The following PDK3 variants were observed in gnomAD, a reference collection of about 807,000 sequenced individuals.
PDK3 encodes the protein pyruvate dehydrogenase kinase 3.
PDK3 carries 12 observed loss-of-function variants against 32.0 expected under a neutral mutation model. The observed-to-expected ratio is 0.37, with a 90% confidence interval of 0.24 to 0.61. The LOEUF (loss-of-function observed/expected upper bound fraction) is 0.61. Among genes scored for constraint, PDK3 ranks in the 20% least tolerant of loss-of-function variants. The probability of loss-of-function intolerance (pLI) is 0.65; values close to 1 mark genes in which losing one functional copy is unlikely to be tolerated. For synonymous variants in PDK3, 122 were observed against 116.3 expected, an observed-to-expected ratio of 1.05 and a Z score of -0.31; for missense variants, 188 against 316.9, an observed-to-expected ratio of 0.59 and a Z score of 3.09.
intron 5 of PDK3, among the ~76,000 whole-genome samples, chrX:24,508,255 G>T (rs190115712): frequency 3.6e-5 from 4 of 110,547 alleles, no homozygotes; most frequent in Non-Finnish European, 1.9e-5. Context: ...ACCAGATCTC[G>T]TGGGAACTCA....
chrX:24,507,953 G>A (rs1922023706), intron 5 of PDK3, among the ~76,000 whole-genome samples: 2 of 111,472 alleles, frequency 1.8e-5, no homozygotes, highest in Non-Finnish European at 3.8e-5. Flanking sequence ...GCTGTTGATG[G>A]GCACATGGGC....
chrX:24,483,925 G>T (rs964507884), intron 1 of PDK3, among the ~76,000 whole-genome samples: 3 of 111,488 alleles, frequency 2.7e-5, no homozygotes, highest in Non-Finnish European at 5.6e-5. Context: ...TATGGCCCAG[G>T]CTGGTCTCGA....
At chrX:24,545,386 C>T (rs1264262985) in exon 12 of PDK3, 1 of 112,200 alleles carries the variant, frequency 8.9e-6, no homozygotes, top group Non-Finnish European at 1.9e-5. Context: ...GAGCCCACCA[C>T]CAAAGCACAC....
chrX:24,488,835 C>T (rs1051146459), intron 1 of PDK3, among the ~76,000 whole-genome samples: 1 of 112,346 alleles, frequency 8.9e-6, no homozygotes, highest in Non-Finnish European at 1.9e-5. Context: ...TCCAAGCCCC[C>T]TCACCTGCTC....
At chrX:24,504,557 C>T (rs1336808204) in intron 4 of PDK3, among the ~76,000 whole-genome samples, 2 of 111,827 alleles carry the variant, frequency 1.8e-5, no homozygotes, top group African/African-American at 6.5e-5. Context: ...TTTTGTTAGT[C>T]GCAATTTTTG....
chrX:24,549,107 T>G (rs1199370796), exon 12 of PDK3: 2 of 111,737 alleles, frequency 1.8e-5, no homozygotes, highest in Admixed American at 1.9e-4. Flanking sequence ...TTTAGAATAT[T>G]TACAGCTAAA....
exon 12 of PDK3, chrX:24,548,365 C>CT (rs1410142942): frequency 8.9e-6 from 1 of 112,421 alleles, no homozygotes; most frequent in Admixed American, 9.4e-5. Flanking sequence ...AGTGAGGACT[C>CT]TATTTTCCAT....
exon 12 of PDK3, chrX:24,550,159 C>T (rs2148209654): frequency 8.9e-6 from 1 of 112,226 alleles, no homozygotes; most frequent in South Asian, 3.7e-4. Flanking sequence ...CCAGTGTTGC[C>T]AAGGAGCTTT....
At position 24,534,156 on chromosome X, in the gene PDK3, G is replaced by A; in HGVS notation, c.*84G>A. 2.9e-6 allele frequency: 3 copies of A among 1,025,551 alleles called. No homozygotes were observed. The highest frequency in any genetic ancestry group is 1.3e-6 in the Non-Finnish European group (1 of 796,195). The allele number at this position is 1,025,551 out of a possible 1,213,427, so 84.5% of individuals were successfully genotyped here. A position where few individuals can be genotyped will look rare whatever the true frequency, so the allele number is the denominator to read the frequency against. ...TCACTGTTCCAGGAATTCTTGCAGTGTAGAGGTATTCACAACAGCAAGCAG... is the reference window on the plus strand; with the variant it reads ...TCACTGTTCCAGGAATTCTTGCAGTATAGAGGTATTCACAACAGCAAGCAG... On this transcript the variant is annotated 3_prime_UTR_variant, in exon 11 of 11. Transcript: ENST00000379162.
In PDK3 at chrX:24,529,616, G is replaced by A. The variant is rs1463307435; in HGVS notation, c.963+1430G>A. Among the ~76,000 whole-genome samples, 12 of 110,653 alleles carry A rather than the reference G, an allele frequency of 1.1e-4. No homozygotes were observed. In the South Asian group the frequency reaches 2.3e-3, roughly 21 times the overall value. On this transcript the variant is annotated intron_variant, in intron 9 of 10. Transcript: ENST00000379162. ...CTACTAAAAATACACGAAAATAGTC[G>A]GGAGCAGTGGCGCATGCTTGTAATC...
chrX:24,503,197 A>G (rs1602114492), intron 3 of PDK3, 130 bp from the exon 4 acceptor site: 2 of 380,913 alleles, frequency 5.3e-6, no homozygotes. Context: ...TCCTTGTTCT[A>G]TGTAGTAAGA....
chrX:24,543,464 T>A (rs1922933270), exon 12 of PDK3, among the ~76,000 whole-genome samples: 1 of 111,389 alleles, frequency 9.0e-6, no homozygotes, highest in Admixed American at 9.6e-5. Flanking sequence ...ATTTTATTTT[T>A]TTCAAGATAG....
At chrX:24,472,874 A>T (rs1355559026) in intron 1 of PDK3, among the ~76,000 whole-genome samples, 2 of 105,633 alleles carry the variant, frequency 1.9e-5, no homozygotes, top group Non-Finnish European at 3.9e-5. Flanking sequence ...TTTAGTAGAG[A>T]TGGGGTTTCT....
At chrX:24,510,208 C>T (rs188742808) in intron 5 of PDK3, among the ~76,000 whole-genome samples, 40 of 112,144 alleles carry the variant, frequency 3.6e-4, no homozygotes, top group Middle Eastern at 4.6e-3. Context: ...CGAACTGGAA[C>T]CCCAAACTGA....
chrX:24,513,199 G>C (rs1327403313), intron 5 of PDK3, among the ~76,000 whole-genome samples: 1 of 111,256 alleles, frequency 9.0e-6, no homozygotes, highest in African/African-American at 3.3e-5. Context: ...CACTTGCCCA[G>C]TCTGCTGTGG....
At chrX:24,530,582 C>T (rs1922626377) in intron 9 of PDK3, among the ~76,000 whole-genome samples, 1 of 111,306 alleles carries the variant, frequency 9.0e-6, no homozygotes, top group Non-Finnish European at 1.9e-5. Flanking sequence ...GCCCATGTGA[C>T]TCTGTGCACA....
In PDK3 at chrX:24,540,812, A is replaced by G. The variant is rs1404758108; in HGVS notation, c.*1648A>G. On this transcript the variant is annotated 3_prime_UTR_variant, in exon 12 of 12. Coordinates refer to the PDK3 transcript ENST00000568479. ...AGTGTCTTGGGGATGGGGCTGTTCC[A>G]TATGATTATTTTTGTGTGGCATAAA... is the stretch of plus-strand genomic sequence containing the variant. Among the ~76,000 whole-genome samples, 4 of 100,233 alleles carry G rather than the reference A, an allele frequency of 4.0e-5. No individual in the cohort carries two copies. The East Asian group carries it at 1.3e-3, about 31-fold the overall frequency. 87.0% of individuals were successfully genotyped at this position (100,233 alleles called of 115,157 possible). A position where few individuals can be genotyped will look rare whatever the true frequency, so the allele number is the denominator to read the frequency against.
chrX:24,487,665 G>T (rs1352282497), intron 1 of PDK3, among the ~76,000 whole-genome samples: 2 of 110,499 alleles, frequency 1.8e-5, no homozygotes, highest in African/African-American at 6.6e-5. Flanking sequence ...GAATGAGCTG[G>T]ATCATTCTGT....
chrX:24,479,040 A>C (rs1056653618), intron 1 of PDK3, among the ~76,000 whole-genome samples: 1 of 112,291 alleles, frequency 8.9e-6, no homozygotes, highest in Non-Finnish European at 1.9e-5. Context: ...TTTTCCCACA[A>C]TTGTTACATT....
Sources: allele counts gnomAD v4.1 joint callset (sites outside exome capture counted in the v4.1 genomes callset), GRCh38; gene constraint gnomAD v4.1.1; transcripts MANE v1.5; gene names NCBI Gene and HGNC (gene_info 2026-07-23, HGNC 2026-07-21).